NLRP9: variants seen among roughly 807,000 people sequenced by gnomAD.
NLRP9 encodes the protein NACHT, LRR and PYD domains-containing protein 9.
In NLRP9, 88 loss-of-function variants were observed where a neutral mutation model predicts 83.1. The observed-to-expected ratio is 1.06, with a 90% CI of 0.89 to 1.26. The LOEUF (loss-of-function observed/expected upper bound fraction) is 1.26, where lower values mean the gene tolerates loss of function less well. Among genes scored for constraint, NLRP9 ranks in the 50% most tolerant of loss-of-function variants. NLRP9 has a pLI of 0.00. For missense variants in NLRP9, 1,308 were observed against 1,179.3 expected, an observed-to-expected ratio of 1.11 and a Z score of -1.60; for synonymous variants, 521 against 447.6, an observed-to-expected ratio of 1.16 and a Z score of -2.07.
At chr19:55,715,731 A>G (rs1007443279) in intron 5 of NLRP9, among the ~76,000 whole-genome samples, 3 of 151,562 alleles carry the variant, frequency 2.0e-5, no homozygotes, top group African/African-American at 7.3e-5. Flanking sequence ...ACAGATGTAC[A>G]GAAAGATGAA....
chr19:55,708,960 A>C lies in NLRP9; in HGVS notation c.2928T>G (p.His976Gln), dbSNP rs1227375423. 3.8e-6 allele frequency: 6 copies of C among 1,588,980 alleles called. No homozygotes were observed. The highest frequency in any genetic ancestry group is 5.1e-6 in the Non-Finnish European group (6 of 1,170,742). Reference protein sequence around the residue: ...EEKIPHLTISHGPWIDEEYKI... With the variant: ...EEKIPHLTISQGPWIDEEYKI... Reference sequence around the variant, plus strand: ...TGTATTCCTCGTCAATCCAAGGTCCATGTGAAATGGTCAGATGGGGAATTT... The same window carrying C: ...TGTATTCCTCGTCAATCCAAGGTCCCTGTGAAATGGTCAGATGGGGAATTT... The change falls in exon 9 of 9, where the codon CAT becomes CAG. Residue 976 changes from histidine (H) to glutamine (Q), a missense_variant. Coordinates refer to ENST00000332836, the MANE Select transcript of NLRP9 (RefSeq NM_176820.4).
intron 6 of NLRP9, among the ~76,000 whole-genome samples, chr19:55,713,168 C>T: frequency 6.7e-6 from 1 of 149,750 alleles, no homozygotes; most frequent in Non-Finnish European, 1.5e-5. Flanking sequence ...TCCCCACCTT[C>T]AAATCCCTGT....
At chr19:55,733,667 T>C (rs1988678723) in intron 1 of NLRP9, 117 bp from the exon 2 acceptor site, 1 of 670,328 alleles carries the variant, frequency 1.5e-6, no homozygotes. Flanking sequence ...GAAGCCAGGG[T>C]GCTTTTAAAA....
intron 3 of NLRP9, among the ~76,000 whole-genome samples, chr19:55,726,835 A>C (rs1988417380): frequency 4.6e-5 from 7 of 152,188 alleles, no homozygotes; most frequent in Admixed American, 3.9e-4. Context: ...TTTATCATTC[A>C]TATACACAAC....
chr19:55,723,968 G>GC lies in NLRP9; in HGVS notation c.2159+11dup. On this transcript the variant is annotated intron_variant, in intron 4 of 8. Transcript: ENST00000332836. ...AAAGAAACAGCACTCGGCATGAACAGCCCGGACTTACATCAGCTCTTCTAT... is the reference window on the plus strand; with the variant it reads ...AAAGAAACAGCACTCGGCATGAACAGCCCCGGACTTACATCAGCTCTTCTAT... 1 of 1,606,252 alleles carries GC rather than the reference G, an allele frequency of 6.2e-7. No homozygotes were observed.
chr19:55,729,462 A>G (rs964176935), intron 3 of NLRP9, among the ~76,000 whole-genome samples: 3 of 151,482 alleles, frequency 2.0e-5, no homozygotes, highest in African/African-American at 7.3e-5. Context: ...TTCAATTCCC[A>G]CCTATGAGTG....
At position 55,729,801 on chromosome 19, in the gene NLRP9, G is replaced by C. The variant is rs150307548; in HGVS notation, c.1994+30C>G. The C allele has an allele frequency of 3.0e-4, 478 of 1,578,116 alleles. 2 individuals carry two copies. In the African/African-American group the frequency reaches 5.6e-3, roughly 19 times the overall value. On this transcript the variant is annotated intron_variant, in intron 3 of 8. Coordinates refer to ENST00000332836, the MANE Select transcript of NLRP9 (RefSeq NM_176820.4). ...TAGAGAGAAGGAAACTCTGCCATTT[G>C]CTTAAAGGACAGGTTAACATAAAAC... is the stretch of plus-strand genomic sequence containing the variant.
intron 3 of NLRP9, among the ~76,000 whole-genome samples, chr19:55,724,851 A>T (rs1027219894): frequency 6.6e-6 from 1 of 152,164 alleles, no homozygotes; most frequent in African/African-American, 2.4e-5. Flanking sequence ...TGAGGTCAGG[A>T]GTTTGAGACC....
intron 4 of NLRP9, among the ~76,000 whole-genome samples, chr19:55,717,182 C>T (rs530770722): frequency 2.6e-4 from 40 of 152,036 alleles, no homozygotes; most frequent in Non-Finnish European, 4.4e-4. Context: ...TACAGGCGCC[C>T]GCCATCACGC....
intron 3 of NLRP9, among the ~76,000 whole-genome samples, chr19:55,728,513 G>A (rs530670233): frequency 6.6e-6 from 1 of 151,818 alleles, no homozygotes; most frequent in East Asian, 1.9e-4. Flanking sequence ...TGGAGGTTGC[G>A]GTGAGCCGAG....
chr19:55,734,363 C>CAAAAA (rs59545375), intron 1 of NLRP9, among the ~76,000 whole-genome samples: 28 of 76,696 alleles, frequency 3.7e-4, no homozygotes, highest in Non-Finnish European at 5.7e-4. Context: ...CACTCTATCT[C>CAAAAA]AAAAAAAAAA....
Position 55,716,877 on chromosome 19 carries a change from G to A in NLRP9, c.2181C>T (p.Ser727=). 6.2e-7 allele frequency: 1 copy of A among 1,613,796 alleles called. No homozygotes were observed. Among genetic ancestry groups the A allele is most frequent in the Non-Finnish European group, 8.5e-7 (1 of 1,179,894 alleles). ...AGGCGATGTCTTCACAAACTTCACT[G>A]GAGATGTCACACTTTCCCAGTCTAC... is the stretch of plus-strand genomic sequence containing the variant. ...EELILGKCDI[S]SEVCEDIASV... is the part of the protein sequence containing the mutation. Residue 727 remains serine, a synonymous_variant, in exon 5 of 9, where the codon TCC becomes TCT. Coordinates refer to ENST00000332836, the MANE Select transcript of NLRP9 (RefSeq NM_176820.4).
Position 55,733,204 on chromosome 19 carries a change from A to C in NLRP9, c.627T>G (p.Ser209=). 6.2e-7 allele frequency: 1 copy of C among 1,613,864 alleles called. No homozygotes were observed. Among genetic ancestry groups the C allele is most frequent in the Non-Finnish European group, 8.5e-7 (1 of 1,179,824 alleles). Residue 209 remains serine, a synonymous_variant, in exon 2 of 9, where the codon TCT becomes TCG. Coordinates refer to ENST00000332836, the MANE Select transcript of NLRP9 (RefSeq NM_176820.4). Reference sequence around the variant, plus strand: ...AAAAAATGTCTTCGATCTTCTCTGAAGACTCCGGCCAGTCCCTAGAGAGGA... The same window carrying C: ...AAAAAATGTCTTCGATCTTCTCTGACGACTCCGGCCAGTCCCTAGAGAGGA... ...LELLSRDWPE[S]SEKIEDIFSQ...
intron 2 of NLRP9, among the ~76,000 whole-genome samples, chr19:55,731,431 G>GAAGC (rs751670064): frequency 6.6e-6 from 1 of 151,648 alleles, no homozygotes. Context: ...AGGGAGGGAG[G>GAAGC]AAGCAAGCAA....
At chr19:55,720,957 T>A (rs1988206722) in intron 4 of NLRP9, among the ~76,000 whole-genome samples, 1 of 152,058 alleles carries the variant, frequency 6.6e-6, no homozygotes, top group Non-Finnish European at 1.5e-5. Flanking sequence ...TTAAAACCAC[T>A]CAGATATTAT....
chr19:55,723,612 T>C (rs902251592), intron 4 of NLRP9, among the ~76,000 whole-genome samples: 3 of 150,648 alleles, frequency 2.0e-5, no homozygotes, highest in African/African-American at 7.3e-5. Context: ...CCTGTAATCC[T>C]AGCTACTTGA....
At position 55,734,363 on chromosome 19, in the gene NLRP9, C is replaced by CAAAAAAA. The variant is rs59545375; in HGVS notation, c.281-820_281-814dup. Among the ~76,000 whole-genome samples the CAAAAAAA allele has an allele frequency of 5.0e-4, 38 of 76,694 alleles. 1 individual carries two copies. Among genetic ancestry groups the CAAAAAAA allele is most frequent in the East Asian group, 4.5e-3 (11 of 2,460 alleles). The allele number at this position is 76,694 out of a possible 152,430, so 50.3% of individuals were successfully genotyped here. ...TGGGCAACAGCCTGACACTCTATCT[C>CAAAAAAA]AAAAAAAAAAAAAAAAAAAAAAAAA... On this transcript the variant is annotated intron_variant, in intron 1 of 8. Coordinates refer to ENST00000332836, the MANE Select transcript of NLRP9 (RefSeq NM_176820.4).
chr19:55,708,923 C>A lies in NLRP9; in HGVS notation c.2965G>T (p.Val989Leu), dbSNP rs1600120183. 1 of 1,547,138 alleles carries A rather than the reference C, an allele frequency of 6.5e-7. No individual in the cohort carries two copies. Among genetic ancestry groups the A allele is most frequent in the Non-Finnish European group, 8.7e-7 (1 of 1,155,726 alleles). The change falls in exon 9 of 9, where the codon GTG (valine) becomes TTG (leucine). Residue 989 changes from valine (V) to leucine (L), a missense_variant. Physicochemically the swap from Val to Leu is conservative, Grantham distance 32. Coordinates refer to ENST00000332836, the MANE Select transcript of NLRP9 (RefSeq NM_176820.4). Reference sequence around the variant, plus strand: ...CAGGGTGTTCCCCATCAGAGGAGCACACCCCTGATCTTGTATTCCTCGTCA... The same window carrying A: ...CAGGGTGTTCCCCATCAGAGGAGCAAACCCCTGATCTTGTATTCCTCGTCA... ...WIDEEYKIRG[V>L]LL
intron 4 of NLRP9, 51 bp downstream of exon 4, chr19:55,723,929 A>G: frequency 6.7e-7 from 1 of 1,500,458 alleles, no homozygotes; most frequent in Non-Finnish European, 9.1e-7. Context: ...ATCAAACTGC[A>G]AAGCCCACCT....
Sources: gnomAD v4.1 joint callset for allele counts (sites outside exome capture counted in the v4.1 genomes callset) on GRCh38, gnomAD v4.1.1 for gene constraint, MANE v1.5 for transcripts, NCBI Gene and HGNC (gene_info 2026-07-23, HGNC 2026-07-21) for gene names.